The following UNC5C variants were observed in gnomAD, a reference collection of about 807,000 sequenced individuals.
UNC5C encodes unc-5 netrin receptor C, also known as netrin receptor UNC5C.
Under a neutral mutation model 99.8 loss-of-function variants are expected in UNC5C, and 47 were observed. That is an observed-to-expected ratio of 0.47 (90% CI 0.37 to 0.60). UNC5C has a LOEUF of 0.60. UNC5C is among the 20% of genes least tolerant of loss of function. The pLI is 0.00. For synonymous variants in UNC5C, 487 were observed against 452.2 expected (o/e 1.08, Z -0.98); for missense variants, 1,062 against 1,165.9 (o/e 0.91, Z 1.30).
At chr4:95,497,211 A>G (rs935765324) in intron 1 of UNC5C, among the ~76,000 whole-genome samples, 25 of 151,940 alleles carry the variant, frequency 1.6e-4, no homozygotes, top group African/African-American at 6.0e-4. Context: ...TGCTGGATTG[A>G]ATGGTAGTTC....
chr4:95,541,684 A>C (rs560338923), intron 1 of UNC5C, among the ~76,000 whole-genome samples: 1 of 152,062 alleles, frequency 6.6e-6, no homozygotes, highest in Non-Finnish European at 1.5e-5. Context: ...GAAAACCTGC[A>C]TTTCTATTTA....
chr4:95,176,777 G>C (rs530991154), intron 14 of UNC5C, among the ~76,000 whole-genome samples: 21 of 152,232 alleles, frequency 1.4e-4, no homozygotes, highest in Non-Finnish European at 2.5e-4. Flanking sequence ...CACCCAGTTC[G>C]AGCTTCCTGG....
chr4:95,216,177 G>T lies in UNC5C; in HGVS notation c.1680C>A (p.Pro560=). Residue 560 remains proline (P), a synonymous_variant, in exon 10 of 16, where the codon CCC becomes CCA. Coordinates refer to ENST00000453304, the MANE Select transcript of UNC5C (RefSeq NM_003728.4). ...CATACATTTCGTAGACTCTCCCTTGGGGAATGGCCCCAGCGGGAATCAGCA... is the reference window on the plus strand; with the variant it reads ...CATACATTTCGTAGACTCTCCCTTGTGGAATGGCCCCAGCGGGAATCAGCA... The part of the protein sequence containing the change: ...VSLLIPAGAI[P]QGRVYEMYVT... 6.2e-7 allele frequency: 1 copy of T among 1,613,646 alleles called. No homozygotes were observed. The highest frequency in any genetic ancestry group is 1.1e-5 in the South Asian group (1 of 91,070).
intron 1 of UNC5C, among the ~76,000 whole-genome samples, chr4:95,537,860 C>T (rs568740690): frequency 8.5e-5 from 13 of 152,050 alleles, no homozygotes; most frequent in African/African-American, 2.9e-4. Flanking sequence ...GTGGGGGGAG[C>T]GTCGTATAGT....
chr4:95,533,404 G>GA (rs1318422561), intron 1 of UNC5C, among the ~76,000 whole-genome samples: 3 of 150,370 alleles, frequency 2.0e-5, no homozygotes, highest in African/African-American at 4.9e-5. Context: ...CTCAAAAAAA[G>GA]AAAAAAACAA....
chr4:95,404,095 G>A (rs1745770993), intron 1 of UNC5C, among the ~76,000 whole-genome samples: 1 of 151,754 alleles, frequency 6.6e-6, no homozygotes, highest in Non-Finnish European at 1.5e-5. Context: ...TATCACCAAT[G>A]GACAAAAAAC....
intron 2 of UNC5C, among the ~76,000 whole-genome samples, chr4:95,317,432 G>A (rs918512501): frequency 6.6e-6 from 1 of 152,040 alleles, no homozygotes; most frequent in Non-Finnish European, 1.5e-5. Flanking sequence ...AAATAAGTGT[G>A]TGCGTGTGTG....
intron 1 of UNC5C, among the ~76,000 whole-genome samples, chr4:95,495,548 C>T (rs1186468741): frequency 6.6e-6 from 1 of 151,610 alleles, no homozygotes; most frequent in Non-Finnish European, 1.5e-5. Context: ...ATAAAGATCA[C>T]ATTAACTCCA....
In UNC5C at chr4:95,432,789, C is replaced by T. The variant is rs964927928; in HGVS notation, c.125-97158G>A. Among the ~76,000 whole-genome samples, 6 of 152,068 alleles carry T rather than the reference C, an allele frequency of 3.9e-5. 1 individual carries two copies. The highest frequency in any genetic ancestry group is 3.9e-4 in the Admixed American group (6 of 15,260). On this transcript the variant is annotated intron_variant, in intron 1 of 15. Coordinates refer to ENST00000453304, the MANE Select transcript of UNC5C (RefSeq NM_003728.4). ...ATTGAAAACATGGGGAGATCAAGCA[C>T]AAGGCTTCTAACATTGTGTGATGCA...
At chr4:95,177,296 TAGTTGCC>T (rs1736403745) in intron 14 of UNC5C, among the ~76,000 whole-genome samples, 1 of 152,162 alleles carries the variant, frequency 6.6e-6, no homozygotes, top group African/African-American at 2.4e-5. Flanking sequence ...TGTTCCTCAC[TAGTTGCC>T]AGAGGATGAA....
chr4:95,435,954 A>C (rs1028149847), intron 1 of UNC5C, among the ~76,000 whole-genome samples: 1 of 152,086 alleles, frequency 6.6e-6, no homozygotes, highest in African/African-American at 2.4e-5. Context: ...CCAATTTTGC[A>C]TAGTGAGATA....
chr4:95,502,405 A>T (rs1721798016), intron 1 of UNC5C, among the ~76,000 whole-genome samples: 1 of 152,040 alleles, frequency 6.6e-6, no homozygotes, highest in South Asian at 2.1e-4. Flanking sequence ...AGCAGCTGGG[A>T]CAACAGTTGC....
intron 2 of UNC5C, among the ~76,000 whole-genome samples, chr4:95,330,779 GGTAT>G (rs1425577916): frequency 1.3e-5 from 2 of 151,880 alleles, no homozygotes; most frequent in Non-Finnish European, 2.9e-5. Context: ...AATTAATAAT[GGTAT>G]CTGTGGGCAT....
intron 5 of UNC5C, chr4:95,248,676 A>G (rs531713673): frequency 2.4e-6 from 1 of 424,930 alleles, no homozygotes. Context: ...CAAATTCTTA[A>G]CTCCTTCAGT....
At chr4:95,304,109 C>T (rs936348221) in intron 2 of UNC5C, among the ~76,000 whole-genome samples, 12 of 152,108 alleles carry the variant, frequency 7.9e-5, no homozygotes, top group Non-Finnish European at 1.8e-4. Flanking sequence ...CTACTAAGCT[C>T]ATAGGCCCAT....
chr4:95,219,949 A>G lies in UNC5C; in HGVS notation c.1300+36T>C, dbSNP rs1349821024. The G allele has an allele frequency of 4.4e-6, 7 of 1,593,312 alleles. No individual in the cohort carries two copies. The African/African-American group carries it at 5.4e-5, about 12-fold the overall frequency. On this transcript the variant is annotated intron_variant, in intron 8 of 15. Transcript: ENST00000453304. ...ATTGATTTTGAAACTGCTTACATGC[A>G]TAAGTAACAGGGTGTGAAGTGGAAT...
chr4:95,323,624 G>A (rs533531982), intron 2 of UNC5C, among the ~76,000 whole-genome samples: 52 of 152,270 alleles, frequency 3.4e-4, no homozygotes, highest in Middle Eastern at 3.4e-3. Flanking sequence ...CAGATCTCCC[G>A]TAGTTCCCCT....
intron 1 of UNC5C, among the ~76,000 whole-genome samples, chr4:95,413,464 T>C (rs1334124709): frequency 6.6e-6 from 1 of 152,186 alleles, no homozygotes; most frequent in Non-Finnish European, 1.5e-5. Flanking sequence ...ATCAAGCTCA[T>C]CATCCAGGCA....
intron 1 of UNC5C, among the ~76,000 whole-genome samples, chr4:95,400,088 G>A (rs529177266): frequency 6.6e-6 from 1 of 152,210 alleles, no homozygotes; most frequent in South Asian, 2.1e-4. Context: ...AGACTGTAGT[G>A]GACAACATTG....
Sources: gnomAD v4.1 joint callset for allele counts (sites outside exome capture counted in the v4.1 genomes callset) on GRCh38, gnomAD v4.1.1 for gene constraint, MANE v1.5 for transcripts, NCBI Gene and HGNC (gene_info 2026-07-23, HGNC 2026-07-21) for gene names.